Variants in PRDM11 observed in about 807,000 individuals in gnomAD.
PRDM11 encodes PR domain-containing protein 11.
In PRDM11, 20 loss-of-function variants were observed where a neutral mutation model predicts 97.8. That is an observed-to-expected ratio of 0.20 (90% confidence interval 0.14 to 0.30). PRDM11 has a LOEUF of 0.30. Ranked by LOEUF, PRDM11 falls within the 10% of genes least tolerant of loss-of-function variation. The probability of loss-of-function intolerance (pLI) is 1.00; values close to 1 mark genes in which losing one functional copy is unlikely to be tolerated. For synonymous variants in PRDM11, 599 were observed against 637.7 expected (o/e 0.94, Z 0.91); for missense variants, 1,139 against 1,555.2 (o/e 0.73, Z 4.50).
intron 4 of PRDM11, among the ~76,000 whole-genome samples, chr11:45,198,147 C>T (rs1487639404): frequency 6.6e-6 from 1 of 152,200 alleles, no homozygotes; most frequent in Non-Finnish European, 1.5e-5. Context: ...GTTATACTCA[C>T]GTGCCAATGT....
chr11:45,139,181 G>T (rs1852941232), intron 1 of PRDM11, among the ~76,000 whole-genome samples: 1 of 152,176 alleles, frequency 6.6e-6, no homozygotes, highest in Non-Finnish European at 1.5e-5. Context: ...TCAGCATAAG[G>T]GTGTCGGGGA....
rs1854287254 is a variant in PRDM11, at chr11:45,226,846, C to T, written c.2221C>T (p.Arg741Cys). The stretch of plus-strand genomic sequence containing the variant: ...TGGAGCCAACATCACAGCCAGCCTC[C>T]GTGCCAGCATGTTCATGACCATCCG... The part of the protein sequence containing the change: ...VDGANITASL[R>C]ASMFMTIRKT... Residue 741 changes from arginine to cysteine, a missense_variant, in exon 8 of 8, where the codon CGT becomes TGT. Transcript: ENST00000683152. 1 of 1,533,224 alleles carries T rather than the reference C, an allele frequency of 6.5e-7. No individual in the cohort carries two copies. The highest frequency in any genetic ancestry group is 8.7e-7 in the Non-Finnish European group (1 of 1,146,516). The allele number at this position is 1,533,224 out of a possible 1,614,324, so 95.0% of individuals were successfully genotyped here.
chr11:45,156,945 A>T (rs1851808956), intron 1 of PRDM11, among the ~76,000 whole-genome samples: 1 of 152,178 alleles, frequency 6.6e-6, no homozygotes, highest in Non-Finnish European at 1.5e-5. Flanking sequence ...GCAAGCGGTC[A>T]TGGGTGTTTA....
intron 5 of PRDM11, chr11:45,215,799 A>G (rs1310367192): frequency 1.3e-5 from 2 of 152,204 alleles, no homozygotes; most frequent in African/African-American, 2.4e-5. Context: ...AGACCTATGC[A>G]TGTGAGAACA....
intron 1 of PRDM11, among the ~76,000 whole-genome samples, chr11:45,181,293 G>T (rs1314417741): frequency 1.3e-5 from 2 of 152,200 alleles, no homozygotes; most frequent in African/African-American, 2.4e-5. Context: ...GCCTGGCTGC[G>T]CTCCCGGCAG....
At chr11:45,193,343 T>C (rs1273607716) in intron 4 of PRDM11, among the ~76,000 whole-genome samples, 3 of 152,188 alleles carry the variant, frequency 2.0e-5, no homozygotes, top group Non-Finnish European at 2.9e-5. Context: ...TGTTGGCTCA[T>C]AGCAAGTAGT....
intron 5 of PRDM11, among the ~76,000 whole-genome samples, chr11:45,207,723 C>T (rs1410529205): frequency 6.6e-6 from 1 of 152,134 alleles, no homozygotes; most frequent in Non-Finnish European, 1.5e-5. Flanking sequence ...AGGTCTAGTC[C>T]CATATTCCTG....
intron 1 of PRDM11, among the ~76,000 whole-genome samples, chr11:45,178,175 C>T (rs1164207830): frequency 6.6e-6 from 1 of 152,002 alleles, no homozygotes; most frequent in Admixed American, 6.6e-5. Flanking sequence ...CTGTCTTACC[C>T]TCCGTCCTTT....
intron 1 of PRDM11, among the ~76,000 whole-genome samples, chr11:45,102,988 C>T (rs545216638): frequency 2.4e-4 from 36 of 151,186 alleles, no homozygotes; most frequent in African/African-American, 8.8e-4. Flanking sequence ...GGGGAAGGCC[C>T]ACTCACTGTG....
intron 4 of PRDM11, among the ~76,000 whole-genome samples, chr11:45,201,666 T>A (rs527996436): frequency 2.2e-4 from 33 of 152,194 alleles, no homozygotes; most frequent in African/African-American, 7.7e-4. Flanking sequence ...GCTAATTTTT[T>A]AAAAAATTCT....
At chr11:45,119,427 A>T (rs35152907) in intron 1 of PRDM11, among the ~76,000 whole-genome samples, 1 of 152,050 alleles carries the variant, frequency 6.6e-6, no homozygotes, top group African/African-American at 2.4e-5. Flanking sequence ...GGAGATCGAG[A>T]CCATTCTGGC....
intron 1 of PRDM11, among the ~76,000 whole-genome samples, chr11:45,131,660 A>G (rs1180480297): frequency 6.6e-6 from 1 of 152,238 alleles, no homozygotes; most frequent in Non-Finnish European, 1.5e-5. Flanking sequence ...AAATCCTATT[A>G]CAGGAGTAAG....
intron 5 of PRDM11, among the ~76,000 whole-genome samples, chr11:45,215,186 G>A (rs550317057): frequency 6.6e-6 from 1 of 152,278 alleles, no homozygotes; most frequent in African/African-American, 2.4e-5. Flanking sequence ...TCTGGCACTG[G>A]CAAGGCTCTG....
chr11:45,205,391 A>T (rs902726967), intron 5 of PRDM11, among the ~76,000 whole-genome samples: 1 of 152,092 alleles, frequency 6.6e-6, no homozygotes, highest in Non-Finnish European at 1.5e-5. Context: ...GCCCAGAACC[A>T]TGGGTCCAGC....
At chr11:45,128,992 T>C (rs12789306) in intron 1 of PRDM11, among the ~76,000 whole-genome samples, 3,254 of 152,274 alleles carry the variant, frequency 0.021, 46 homozygotes, top group South Asian at 0.034. Flanking sequence ...GTGTTTATTC[T>C]AAGAATGCAG....
rs1852922600 is a variant in PRDM11 at position 45,138,388 on chromosome 11, AGACC to A, written c.96+42488_96+42491del. Among the ~76,000 whole-genome samples, 5 of 152,268 alleles carry A rather than the reference AGACC, an allele frequency of 3.3e-5. No homozygotes were observed. The East Asian group carries it at 9.6e-4, about 29-fold the overall frequency. ...CAAGACCAGCCTGGGGAACATAGTG[AGACC>A]CCATCTCTATAAAAAACTTTTAGAA... On this transcript the variant is annotated intron_variant, in intron 1 of 6. Coordinates refer to the PRDM11 transcript ENST00000530656.
chr11:45,141,936 C>G, upstream of PRDM11, among the ~76,000 whole-genome samples: 1 of 152,170 alleles, frequency 6.6e-6, no homozygotes, highest in East Asian at 1.9e-4. Flanking sequence ...AGGGCACACT[C>G]TGCTTCTCCC....
At chr11:45,132,588 T>C (rs148937319) in intron 1 of PRDM11, among the ~76,000 whole-genome samples, 23 of 152,314 alleles carry the variant, frequency 1.5e-4, no homozygotes, top group Middle Eastern at 3.4e-3. Context: ...TCCTGAAAGG[T>C]AGAGTAATGC....
upstream of PRDM11, among the ~76,000 whole-genome samples, chr11:45,142,373 C>T (rs113682001): frequency 6.6e-6 from 1 of 152,180 alleles, no homozygotes; most frequent in Non-Finnish European, 1.5e-5. Flanking sequence ...GCTGTGTCCC[C>T]TTCCCAGGAA....
Sources: allele counts gnomAD v4.1 joint callset (sites outside exome capture counted in the v4.1 genomes callset), GRCh38; gene constraint gnomAD v4.1.1; transcripts MANE v1.5; gene names NCBI Gene and HGNC (gene_info 2026-07-23, HGNC 2026-07-21).